B4GALNT3: variants seen among roughly 807,000 people sequenced by gnomAD.
B4GALNT3 encodes beta-1,4-N-acetylgalactosaminyltransferase 3.
Under a neutral mutation model 120.2 loss-of-function variants are expected in B4GALNT3, and 86 were observed. The observed-to-expected ratio is 0.72, with a 90% confidence interval of 0.60 to 0.86. B4GALNT3 has a LOEUF of 0.86. Among genes scored for constraint, B4GALNT3 ranks in the 40% least tolerant of loss-of-function variants. The pLI, the probability that B4GALNT3 is intolerant of heterozygous loss-of-function variation, is 0.00. For missense variants in B4GALNT3, 1,167 were observed against 1,298.9 expected, an observed-to-expected ratio of 0.90 and a Z score of 1.56; for synonymous variants, 518 against 510.4, an observed-to-expected ratio of 1.01 and a Z score of -0.20.
chr12:484,990 C>A (rs1283389874), intron 1 of B4GALNT3, among the ~76,000 whole-genome samples: 2 of 152,088 alleles, frequency 1.3e-5, no homozygotes, highest in Non-Finnish European at 2.9e-5. Flanking sequence ...ATTCCAAGAG[C>A]TATGGTGTTC....
At chr12:559,271 C>T (rs781592025) in intron 18 of B4GALNT3, 24 bp from the exon 19 acceptor site, 2 of 1,613,618 alleles carry the variant, frequency 1.2e-6, no homozygotes, top group Non-Finnish European at 8.5e-7. Flanking sequence ...GCTCATCTCA[C>T]CCGAAGCTCC....
chr12:548,315 C>G lies in B4GALNT3; in HGVS notation c.853+18C>G, dbSNP rs1038618272. 1 of 1,612,090 alleles carries G rather than the reference C, an allele frequency of 6.2e-7. No individual in the cohort carries two copies. Among genetic ancestry groups the G allele is most frequent in the Admixed American group, 1.7e-5 (1 of 60,002 alleles). ...CTTCACAAGTGAGTAGGCTCTGGCC[C>G]TGCCCTGGAGATGGAGGCCAGGTGG... On this transcript the variant is annotated intron_variant, in intron 9 of 19. Coordinates refer to ENST00000266383, the MANE Select transcript of B4GALNT3 (RefSeq NM_173593.4). This position sits in a 1 kb window ranked among gnomAD's most constrained non-coding sequence, Gnocchi z 4.9.
At position 484,897 on chromosome 12, in the gene B4GALNT3, C is replaced by T. The variant is rs936178424; in HGVS notation, c.169+24352C>T. 1.9e-4 allele frequency among the ~76,000 whole-genome samples: 29 copies of T among 151,966 alleles called. 1 individual carries two copies. The highest frequency in any genetic ancestry group is 1.8e-3 in the Admixed American group (28 of 15,250). On this transcript the variant is annotated intron_variant, in intron 1 of 19. Coordinates refer to ENST00000266383, the MANE Select transcript of B4GALNT3 (RefSeq NM_173593.4). ...CCAGTGGTATGTATGGTGTGAATTC[C>T]GGTGTGTTCTGAACTCAGGTCCATC...
chr12:499,218 A>G (rs1479301235), intron 1 of B4GALNT3, among the ~76,000 whole-genome samples: 1 of 152,252 alleles, frequency 6.6e-6, no homozygotes, highest in Non-Finnish European at 1.5e-5. Context: ...ACCTTTGTGT[A>G]TTTAATTTAG....
In B4GALNT3 at chr12:553,747, G is replaced by A. The variant is rs1167944579; in HGVS notation, c.1824G>A (p.Glu608=). 1 of 1,614,224 alleles carries A rather than the reference G, an allele frequency of 6.2e-7. No individual in the cohort carries two copies. Among genetic ancestry groups the A allele is most frequent in the Non-Finnish European group, 8.5e-7 (1 of 1,180,016 alleles). ...AAGGACAAGTGGAGGGAGAGGAAGA[G>A]GGGGAAGAAGAGGAGGAGGAAGAGG... ...GQEGQVEGEE[E]GEEEEEEEDM... The change falls in exon 14 of 20, where the codon GAG becomes GAA. Residue 608 remains glutamate (E), a synonymous_variant. Transcript: ENST00000266383.
At chr12:494,699 C>T (rs142499079) in intron 1 of B4GALNT3, among the ~76,000 whole-genome samples, 2 of 152,270 alleles carry the variant, frequency 1.3e-5, no homozygotes, top group African/African-American at 4.8e-5. Flanking sequence ...AGAAGACCCA[C>T]AGATTGTCCC....
intron 1 of B4GALNT3, among the ~76,000 whole-genome samples, chr12:528,285 G>T (rs994383589): frequency 6.6e-6 from 1 of 152,034 alleles, no homozygotes; most frequent in African/African-American, 2.4e-5. Context: ...GCAATTCACA[G>T]GTGCAGTCAT....
At chr12:495,429 C>T (rs932748829) in intron 1 of B4GALNT3, among the ~76,000 whole-genome samples, 16 of 152,144 alleles carry the variant, frequency 1.1e-4, no homozygotes, top group Admixed American at 7.2e-4. Context: ...ATGTACCCTC[C>T]GCCAAACGTA....
rs774731451 is a variant in B4GALNT3 at position 558,055 on chromosome 12, A to G, written c.2574A>G (p.Ser858=). The G allele has an allele frequency of 1.2e-6, 2 of 1,613,974 alleles. No homozygotes were observed. The highest frequency in any genetic ancestry group is 1.7e-6 in the Non-Finnish European group (2 of 1,180,026). The part of the protein sequence containing the change: ...YVKLSGNFER[S]AGLQAGIDLV... ...AGCTAAGTGGAAACTTTGAACGCTC[A>G]GCTGGACTTCAGGCTGGCATAGACC... The change falls in exon 17 of 20, where the codon TCA becomes TCG. Residue 858 remains serine, a synonymous_variant. Transcript: ENST00000266383.
chr12:502,614 C>T (rs1946456131), intron 1 of B4GALNT3, among the ~76,000 whole-genome samples: 1 of 152,174 alleles, frequency 6.6e-6, no homozygotes, highest in Non-Finnish European at 1.5e-5. Flanking sequence ...CCAAGAAAGA[C>T]ATGAAGCAAG....
chr12:511,711 ACCTTCCG>A (rs1452143050), intron 1 of B4GALNT3, among the ~76,000 whole-genome samples: 3 of 74,236 alleles, frequency 4.0e-5, no homozygotes, highest in African/African-American at 1.0e-4. Context: ...CCTTCCTTCC[ACCTTCCG>A]CCTTCCACCT....
chr12:547,872 T>TGG, intron 7 of B4GALNT3, 152 bp from the exon 8 acceptor site: 1 of 649,360 alleles, frequency 1.5e-6, no homozygotes, highest in Non-Finnish European at 2.8e-6. Flanking sequence ...AGTGATAGAG[T>TGG]GGGGGCTCGA....
intron 12 of B4GALNT3, 134 bp from the exon 13 acceptor site, chr12:552,333 A>G: frequency 1.2e-6 from 1 of 810,422 alleles, no homozygotes; most frequent in Non-Finnish European, 2.0e-6. Flanking sequence ...ACACACACAC[A>G]CACCCGCTCA....
At chr12:462,971 A>T (rs921440120) in intron 1 of B4GALNT3, among the ~76,000 whole-genome samples, 1 of 151,938 alleles carries the variant, frequency 6.6e-6, no homozygotes, top group Non-Finnish European at 1.5e-5. Context: ...CCACCTCCAC[A>T]CTCTTGGATA....
At chr12:482,060 A>C (rs143059846) in intron 1 of B4GALNT3, among the ~76,000 whole-genome samples, 1 of 152,262 alleles carries the variant, frequency 6.6e-6, no homozygotes, top group East Asian at 1.9e-4. Flanking sequence ...ACCCCGAGCC[A>C]ATAATCTAAT....
At position 524,101 on chromosome 12, in the gene B4GALNT3, C is replaced by T. The variant is rs538699586; in HGVS notation, c.170-11065C>T. Reference sequence around the variant, plus strand: ...AAAACACACATCGGATAGACTGATCCGTGGTGGGATGGTTGACTAAACCAT... The same window carrying T: ...AAAACACACATCGGATAGACTGATCTGTGGTGGGATGGTTGACTAAACCAT... On this transcript the variant is annotated intron_variant, in intron 1 of 19. Coordinates refer to ENST00000266383, the MANE Select transcript of B4GALNT3 (RefSeq NM_173593.4). Among the ~76,000 whole-genome samples the T allele has an allele frequency of 8.5e-5, 13 of 152,230 alleles. No individual in the cohort carries two copies. The East Asian group carries it at 9.6e-4, about 11-fold the overall frequency.
At chr12:546,064 G>A (rs1232275458) in intron 6 of B4GALNT3, among the ~76,000 whole-genome samples, 1 of 146,674 alleles carries the variant, frequency 6.8e-6, no homozygotes, top group Non-Finnish European at 1.5e-5. Flanking sequence ...GTGAAGAGTG[G>A]GGAGGAGTTG....
intron 1 of B4GALNT3, among the ~76,000 whole-genome samples, chr12:490,543 G>T (rs145154463): frequency 0.012 from 1,853 of 152,144 alleles, 28 homozygotes; most frequent in African/African-American, 0.042. Flanking sequence ...TTCAAGACCA[G>T]CCTGGGCAAA....
intron 1 of B4GALNT3, among the ~76,000 whole-genome samples, chr12:486,516 T>A (rs1386415344): frequency 1.3e-5 from 2 of 152,172 alleles, no homozygotes; most frequent in African/African-American, 4.8e-5. Context: ...CTATTCTGTT[T>A]TTCTTAACAA....
Sources: allele counts gnomAD v4.1 joint callset (sites outside exome capture counted in the v4.1 genomes callset), GRCh38; gene constraint gnomAD v4.1.1; non-coding constraint Gnocchi (gnomAD v3.1); transcripts MANE v1.5; gene names NCBI Gene and HGNC (gene_info 2026-07-23, HGNC 2026-07-21).